The following SIRPG variants were observed in gnomAD, a reference collection of about 807,000 sequenced individuals.
SIRPG encodes the protein signal regulatory protein gamma.
A neutral mutation model predicts 35.7 loss-of-function variants in SIRPG; 38 were observed. The observed-to-expected ratio is 1.06, with a 90% CI of 0.82 to 1.40. The LOEUF is 1.40. Ranked by LOEUF, SIRPG falls within the 40% of genes most tolerant of loss-of-function variation. The pLI, the probability that SIRPG is intolerant of heterozygous loss-of-function variation, is 0.00. For missense variants in SIRPG, 519 were observed against 483.0 expected (o/e 1.07, Z -0.70); for synonymous variants, 215 against 190.4 (o/e 1.13, Z -1.06).
rs765970000 is a variant in SIRPG at position 1,649,037 on chromosome 20, C to T, written c.430+15G>A. The T allele has an allele frequency of 6.3e-7, 1 of 1,599,276 alleles. No homozygotes were observed. Among genetic ancestry groups the T allele is most frequent in the South Asian group, 1.1e-5 (1 of 90,436 alleles). ...TCACACATCAGGGGATGAGGGAGGT[C>T]CATGTTGTACTCACCACCCAAAGCC... On this transcript the variant is annotated intron_variant, in intron 2 of 5. Coordinates refer to ENST00000303415, the MANE Select transcript of SIRPG (RefSeq NM_018556.4).
chr20:1,645,085 G>A (rs183504573), intron 2 of SIRPG, among the ~76,000 whole-genome samples: 79 of 152,238 alleles, frequency 5.2e-4, no homozygotes, highest in Admixed American at 1.5e-3. Flanking sequence ...AGATACACAC[G>A]TTTTCACGAT....
chr20:1,636,390 C>A lies in SIRPG; in HGVS notation c.546G>T (p.Trp182Cys), dbSNP rs980811811. Residue 182 changes from tryptophan (W) to cysteine (C), a missense_variant, in exon 3 of 6, where the codon TGG becomes TGT. Trp to Cys is a radical substitution (Grantham distance 215). Transcript: ENST00000303415. ...GFSPRDITLKWFKNGNELSDF... is the reference protein window; with the variant it reads ...GFSPRDITLKCFKNGNELSDF... ...CTGAGAGCTCATTCCCATTTTTGAACCATTTCAGGGTGATGTCTCTGGGAG... is the reference window on the plus strand; with the variant it reads ...CTGAGAGCTCATTCCCATTTTTGAAACATTTCAGGGTGATGTCTCTGGGAG... 1 of 1,614,220 alleles carries A rather than the reference C, an allele frequency of 6.2e-7. No homozygotes were observed. The highest frequency in any genetic ancestry group is 8.5e-7 in the Non-Finnish European group (1 of 1,180,038).
At chr20:1,670,464 C>T in the SIRPG span, among the ~76,000 whole-genome samples, 2 of 152,126 alleles carry the variant, frequency 1.3e-5, no homozygotes, top group African/African-American at 4.8e-5. Flanking sequence ...TCCTACTAGG[C>T]TAAGAATGAG....
chr20:1,659,816 G>T (rs918266302), upstream of SIRPG, among the ~76,000 whole-genome samples: 1 of 152,224 alleles, frequency 6.6e-6, no homozygotes, highest in Non-Finnish European at 1.5e-5. Flanking sequence ...ATTAGGAGCA[G>T]CCCTCATAGT....
intron 1 of SIRPG, among the ~76,000 whole-genome samples, chr20:1,653,898 T>C (rs373887512): frequency 1.3e-5 from 2 of 152,330 alleles, no homozygotes; most frequent in East Asian, 1.9e-4. Context: ...ATAACATTCA[T>C]AAATCTCCAA....
chr20:1,673,554 G>A, the SIRPG span, among the ~76,000 whole-genome samples: 2 of 152,108 alleles, frequency 1.3e-5, no homozygotes, highest in Non-Finnish European at 2.9e-5. Flanking sequence ...TTAGGCAGCA[G>A]AACAAAGAGG....
At chr20:1,672,556 G>A in the SIRPG span, among the ~76,000 whole-genome samples, 1 of 152,146 alleles carries the variant, frequency 6.6e-6, no homozygotes, top group East Asian at 1.9e-4. Context: ...CAGGTTTGCA[G>A]TTTAGAATTT....
chr20:1,642,605 G>C (rs1285496598), intron 2 of SIRPG, among the ~76,000 whole-genome samples: 1 of 152,158 alleles, frequency 6.6e-6, no homozygotes, highest in African/African-American at 2.4e-5. Context: ...ATTTGATCCT[G>C]TCTTCATGAT....
At chr20:1,668,255 T>TTC in the SIRPG span, among the ~76,000 whole-genome samples, 10 of 140,068 alleles carry the variant, frequency 7.1e-5, no homozygotes, top group African/African-American at 2.1e-4. Context: ...TTCTTTTTCT[T>TTC]TTTCTTTTTC....
intron 1 of SIRPG, among the ~76,000 whole-genome samples, chr20:1,649,775 C>A (rs1181262652): frequency 1.3e-5 from 2 of 150,168 alleles, no homozygotes; most frequent in Non-Finnish European, 3.0e-5. Context: ...TAGCTAGAAC[C>A]ACATGTGTAT....
At chr20:1,671,142 A>G in the SIRPG span, 294,484 of 408,438 alleles carry the variant, frequency 0.72, 106,912 homozygotes, top group East Asian at 0.83. Flanking sequence ...AGCTCACTGT[A>G]TGCTCAGCTG....
At chr20:1,635,694 TCAC>T in intron 3 of SIRPG, 95 bp from the exon 4 acceptor site, 1 of 1,311,272 alleles carries the variant, frequency 7.6e-7, no homozygotes, top group Admixed American at 2.0e-5. Flanking sequence ...GGTGAGGGCA[TCAC>T]CAGGACAGTG....
At chr20:1,653,253 A>C (rs1449503815) in intron 1 of SIRPG, among the ~76,000 whole-genome samples, 1 of 152,220 alleles carries the variant, frequency 6.6e-6, no homozygotes, top group East Asian at 1.9e-4. Context: ...TAGCTCTACC[A>C]GTTACCAATG....
the SIRPG span, among the ~76,000 whole-genome samples, chr20:1,682,443 A>C: frequency 6.6e-6 from 1 of 152,200 alleles, no homozygotes; most frequent in Non-Finnish European, 1.5e-5. Context: ...GGCCCCAAAA[A>C]TGCATATGAA....
the SIRPG span, among the ~76,000 whole-genome samples, chr20:1,662,966 T>C: frequency 6.6e-6 from 1 of 151,438 alleles, no homozygotes; most frequent in Non-Finnish European, 1.5e-5. Context: ...GAGTGAGCCA[T>C]GCAGCTGTTT....
intron 1 of SIRPG, among the ~76,000 whole-genome samples, chr20:1,654,236 T>TAAAAA (rs78737562): frequency 1.7e-5 from 2 of 115,468 alleles, no homozygotes. Flanking sequence ...AGACTGCATC[T>TAAAAA]AAAAAAAAAA....
At chr20:1,642,183 A>G (rs2091857628) in intron 2 of SIRPG, among the ~76,000 whole-genome samples, 1 of 152,174 alleles carries the variant, frequency 6.6e-6, no homozygotes, top group African/African-American at 2.4e-5. Context: ...TCTAATATTG[A>G]CAATGGGGTA....
chr20:1,657,428 G>A (rs1286812648), intron 1 of SIRPG, among the ~76,000 whole-genome samples: 1 of 152,194 alleles, frequency 6.6e-6, no homozygotes, highest in African/African-American at 2.4e-5. Context: ...TAATTGTGAT[G>A]GTGGCAGAAG....
At chr20:1,669,924 C>T in the SIRPG span, 3 of 204,864 alleles carry the variant, frequency 1.5e-5, no homozygotes. Flanking sequence ...CCAAGGGTGG[C>T]CTCTGAGCTC....
Sources: allele counts gnomAD v4.1 joint callset (sites outside exome capture counted in the v4.1 genomes callset), GRCh38; gene constraint gnomAD v4.1.1; transcripts MANE v1.5; gene names NCBI Gene and HGNC (gene_info 2026-07-23, HGNC 2026-07-21).